The following ST7 variants were observed in gnomAD, a reference collection of about 807,000 sequenced individuals.
ST7 encodes suppression of tumorigenicity 7.
In ST7, 28 loss-of-function variants were observed where a neutral mutation model predicts 78.7. That is an observed-to-expected ratio of 0.36 (90% CI 0.26 to 0.49). ST7 has a LOEUF of 0.49. Ranked by LOEUF, ST7 falls within the 20% of genes least tolerant of loss-of-function variation. ST7 has a pLI of 0.99. For synonymous variants in ST7, 247 were observed against 249.6 expected (o/e 0.99, Z 0.10); for missense variants, 418 against 696.0 (o/e 0.60, Z 4.49).
chr7:117,159,840 C>T (rs556141089), intron 9 of ST7, among the ~76,000 whole-genome samples: 4 of 151,992 alleles, frequency 2.6e-5, no homozygotes, highest in Non-Finnish European at 5.9e-5. Context: ...TTGCAGTGAG[C>T]CGAGATCATG....
chr7:117,023,986 T>A (rs184629616), intron 1 of ST7, among the ~76,000 whole-genome samples: 2 of 152,126 alleles, frequency 1.3e-5, no homozygotes, highest in East Asian at 3.9e-4. Context: ...ATTTTTGTAT[T>A]TTTGTTCAGT....
chr7:117,003,147 GTATTAT>G lies in ST7; in HGVS notation c.151+49464_151+49469del, dbSNP rs531548318. ...CCTGAATTAGTTTTTTAGAATGTGT[GTATTAT>G]TATTATTTTTTTTTTGAGACAAGGT... On this transcript the variant is annotated intron_variant, in intron 1 of 15. Transcript: ENST00000323984. Among the ~76,000 whole-genome samples the G allele has an allele frequency of 4.5e-3, 684 of 151,012 alleles. 3 individuals are homozygous for G. The highest frequency in any genetic ancestry group is 6.6e-3 in the Non-Finnish European group (449 of 67,668).
At position 117,050,822 on chromosome 7, in the gene ST7, C is replaced by T. The variant is rs113975462; in HGVS notation, c.152-48940C>T. On this transcript the variant is annotated intron_variant, in intron 1 of 15. Transcript: ENST00000323984. ...GCGCACGCCTGTAGTCCCAGCTACT[C>T]GGGAGGCTGAGGCAGGAGAATCACT... Among the ~76,000 whole-genome samples, 646 of 151,594 alleles carry T rather than the reference C, an allele frequency of 4.3e-3. 4 individuals carry two copies. Among genetic ancestry groups the T allele is most frequent in the Non-Finnish European group, 6.8e-3 (461 of 67,914 alleles).
At chr7:117,139,146 T>C (rs963020694) in intron 9 of ST7, among the ~76,000 whole-genome samples, 1 of 152,198 alleles carries the variant, frequency 6.6e-6, no homozygotes, top group East Asian at 1.9e-4. Context: ...AGGTTATTAT[T>C]ATGTAACTTT....
intron 15 of ST7, among the ~76,000 whole-genome samples, chr7:117,225,239 T>C (rs1793364008): frequency 1.3e-5 from 2 of 152,280 alleles, no homozygotes; most frequent in South Asian, 2.1e-4. Flanking sequence ...CCTCATTTCA[T>C]GTTTTCAAAG....
chr7:117,221,671 G>A (rs1315880674), intron 14 of ST7, among the ~76,000 whole-genome samples: 2 of 152,174 alleles, frequency 1.3e-5, no homozygotes, highest in Admixed American at 6.5e-5. Context: ...CCATGAAGGC[G>A]TGACACCCTC....
chr7:117,019,806 A>G (rs1795787546), intron 1 of ST7, among the ~76,000 whole-genome samples: 1 of 152,198 alleles, frequency 6.6e-6, no homozygotes, highest in African/African-American at 2.4e-5. Context: ...ACAATCCTTG[A>G]TCTGTCAATC....
intron 2 of ST7, among the ~76,000 whole-genome samples, chr7:117,106,984 A>G (rs1238414829): frequency 6.6e-6 from 1 of 151,980 alleles, no homozygotes; most frequent in African/African-American, 2.4e-5. Flanking sequence ...GTGAGAACAT[A>G]CTTTTGGCTT....
chr7:117,203,405 TC>T (rs1282231950), intron 12 of ST7, among the ~76,000 whole-genome samples: 2 of 152,210 alleles, frequency 1.3e-5, no homozygotes. Flanking sequence ...TAGTGTGTAA[TC>T]AGTGTTGGCA....
At chr7:117,120,824 C>T (rs1213041890) in intron 3 of ST7, among the ~76,000 whole-genome samples, 1 of 151,820 alleles carries the variant, frequency 6.6e-6, no homozygotes, top group East Asian at 1.9e-4. Context: ...AACAAAGCTG[C>T]TGTTACAGCA....
chr7:117,125,877 G>T (rs1803792174), intron 3 of ST7, among the ~76,000 whole-genome samples: 2 of 151,976 alleles, frequency 1.3e-5, no homozygotes, highest in African/African-American at 2.4e-5. Flanking sequence ...ATGTTGCAGG[G>T]TTTAACAGGT....
intron 1 of ST7, chr7:117,080,949 A>G (rs1251238653): frequency 1.3e-5 from 2 of 152,324 alleles, no homozygotes; most frequent in East Asian, 3.9e-4. Context: ...AGTGAAAAAG[A>G]TAGTCAAACA....
intron 7 of ST7, among the ~76,000 whole-genome samples, chr7:117,134,609 G>A (rs771495608): frequency 1.3e-5 from 2 of 151,926 alleles, no homozygotes; most frequent in Non-Finnish European, 2.9e-5. Flanking sequence ...CTCTGATACT[G>A]TATCTACCAC....
rs562910264 is a variant in ST7, at chr7:117,066,106, T to A, written c.152-33656T>A. 1.6e-4 allele frequency among the ~76,000 whole-genome samples: 25 copies of A among 152,356 alleles called. No individual in the cohort carries two copies. The South Asian group carries it at 4.1e-3, about 25-fold the overall frequency. ...TCCTAAACTAAGTCCTCCTGATTTA[T>A]TCATGTTTTTTCTCTCTCCTGACAT... On this transcript the variant is annotated intron_variant, in intron 1 of 15. Transcript: ENST00000323984.
intron 8 of ST7, 25 bp downstream of exon 8, chr7:117,136,260 A>T: frequency 6.2e-7 from 1 of 1,613,510 alleles, no homozygotes; most frequent in Non-Finnish European, 8.5e-7. Flanking sequence ...AGGTTGATGC[A>T]TTGGGGGATC....
chr7:117,104,477 G>A (rs1048415084), intron 2 of ST7, among the ~76,000 whole-genome samples: 1 of 152,130 alleles, frequency 6.6e-6, no homozygotes, highest in African/African-American at 2.4e-5. Flanking sequence ...TGTAACAGAA[G>A]CTGGTGAAGA....
chr7:116,995,299 G>A (rs1794602145), intron 1 of ST7, among the ~76,000 whole-genome samples: 1 of 152,162 alleles, frequency 6.6e-6, no homozygotes, highest in Non-Finnish European at 1.5e-5. Flanking sequence ...ATGAGGAATA[G>A]TAACCATCCC....
chr7:117,025,164 A>T (rs1796124860), intron 1 of ST7, among the ~76,000 whole-genome samples: 1 of 152,206 alleles, frequency 6.6e-6, no homozygotes, highest in African/African-American at 2.4e-5. Context: ...ATTGTTGGTA[A>T]CTGGTCACAT....
chr7:117,122,888 C>T (rs1009589336), intron 3 of ST7, among the ~76,000 whole-genome samples: 2 of 152,166 alleles, frequency 1.3e-5, no homozygotes, highest in Non-Finnish European at 2.9e-5. Flanking sequence ...CTGAATTTAT[C>T]TCTACTTTTA....
Sources: allele counts gnomAD v4.1 joint callset (sites outside exome capture counted in the v4.1 genomes callset), GRCh38; gene constraint gnomAD v4.1.1; transcripts MANE v1.5; gene names NCBI Gene and HGNC (gene_info 2026-07-23, HGNC 2026-07-21).